Variants in OR2A4 observed in about 807,000 individuals in gnomAD.
OR2A4 encodes olfactory receptor 2A4.
For missense variants in OR2A4, 152 were observed against 313.2 expected, an observed-to-expected ratio of 0.49 and a Z score of 3.88; for synonymous variants, 71 against 126.7, an observed-to-expected ratio of 0.56 and a Z score of 2.95.
rs1234983652 is a variant in OR2A4 at position 131,701,201 on chromosome 6, G to A, written c.201C>T (p.Val67=). 2.6e-6 allele frequency: 3 copies of A among 1,143,292 alleles called. No individual in the cohort carries two copies. The highest frequency in any genetic ancestry group is 1.3e-5 in the South Asian group (1 of 77,790). 70.8% of individuals were successfully genotyped at this position (1,143,292 alleles called of 1,614,324 possible). A position where few individuals can be genotyped will look rare whatever the true frequency, so the allele number is the denominator to read the frequency against. The change falls in exon 1 of 1, where the codon GTC becomes GTT. Residue 67 remains valine, a synonymous_variant. Coordinates refer to ENST00000315453, the MANE Select transcript of OR2A4 (RefSeq NM_030908.2). The part of the protein sequence containing the change: ...PMYFFLSHLA[V]VDIAYACNTV... ...TGTTGCAGGCGTAGGCGATGTCGACGACCGCCAGGTGTGAGAGGAAGAAGT... is the reference window on the plus strand; with the variant it reads ...TGTTGCAGGCGTAGGCGATGTCGACAACCGCCAGGTGTGAGAGGAAGAAGT...
rs781653671 is a variant in OR2A4 at position 131,701,268 on chromosome 6, A to C, written c.134T>G (p.Leu45Arg). The C allele has an allele frequency of 1.2e-4, 183 of 1,486,824 alleles. No homozygotes were observed. The highest frequency in any genetic ancestry group is 2.5e-5 in the Non-Finnish European group (27 of 1,081,896). 92.1% of individuals were successfully genotyped at this position (1,486,824 alleles called of 1,614,324 possible). ...VFTLLGNGTI[L>R]GLISLDSRLH... is the part of the protein sequence containing the mutation. ...TCTGGAGTCCAGTGAGATGAGCCCC[A>C]GTATGGTCCCGTTCCCCAGCAGGGT... Residue 45 changes from leucine to arginine, a missense_variant, in exon 1 of 1, where the codon CTG becomes CGG. Physicochemically the swap from Leu to Arg is moderately radical, Grantham distance 102. Coordinates refer to ENST00000315453, the MANE Select transcript of OR2A4 (RefSeq NM_030908.2).
In OR2A4 at chr6:131,700,663, T is replaced by A; in HGVS notation, c.739A>T (p.Ile247Phe). The change falls in exon 1 of 1, where the codon ATT (isoleucine) becomes TTT (phenylalanine). Residue 247 changes from isoleucine (I) to phenylalanine (F), a missense_variant. By Grantham distance (21) the Ile-to-Phe change is conservative. Coordinates refer to ENST00000315453, the MANE Select transcript of OR2A4 (RefSeq NM_030908.2). ...FRTCFSHLCV[I>F]GLVYGTAIIM... Reference sequence around the variant, plus strand: ...ATGGCTGTGCCATAAACGAGTCCAATCACACAGAGGTGGGAGAAGCAGGTG... The same window carrying A: ...ATGGCTGTGCCATAAACGAGTCCAAACACACAGAGGTGGGAGAAGCAGGTG... 1 of 1,558,864 alleles carries A rather than the reference T, an allele frequency of 6.4e-7. No homozygotes were observed. Among genetic ancestry groups the A allele is most frequent in the Non-Finnish European group, 8.6e-7 (1 of 1,166,074 alleles).
In OR2A4 at chr6:131,700,580, C is replaced by T. The variant is rs1779502451; in HGVS notation, c.822G>A (p.Leu274=). The change falls in exon 1 of 1, where the codon CTG becomes CTA. Residue 274 remains leucine (L), a synonymous_variant. Coordinates refer to ENST00000315453, the MANE Select transcript of OR2A4 (RefSeq NM_030908.2). ...TGGGATTAAAGAGGCTGTGAAACAG[C>T]AGGAGATATTTCTTCTGCTCCTTGG... ...GNPKEQKKYL[L]LFHSLFNPML... 3 of 1,470,994 alleles carry T rather than the reference C, an allele frequency of 2.0e-6. No homozygotes were observed. Among genetic ancestry groups the T allele is most frequent in the Non-Finnish European group, 2.7e-6 (3 of 1,100,772 alleles). The allele number at this position is 1,470,994 out of a possible 1,614,324, so 91.1% of individuals were successfully genotyped here. A position where few individuals can be genotyped will look rare whatever the true frequency, so the allele number is the denominator to read the frequency against.
Position 131,700,129 on chromosome 6 carries a change from C to A in OR2A4, c.*340G>T. On this transcript the variant is annotated 3_prime_UTR_variant, in exon 1 of 1. Coordinates refer to ENST00000315453, the MANE Select transcript of OR2A4 (RefSeq NM_030908.2). ...GTCTCAAACTTATTTGACTATAGAA[C>A]TTATTTTTAAAGTCCTCTGAAGGGA... The A allele has an allele frequency of 3.4e-5, 1 of 29,586 alleles. No homozygotes were observed. Among genetic ancestry groups the A allele is most frequent in the Non-Finnish European group, 5.4e-5 (1 of 18,612 alleles). 1.8% of individuals were successfully genotyped at this position (29,586 alleles called of 1,614,324 possible).
Position 131,701,266 on chromosome 6 carries a change from C to T in OR2A4, c.136G>A (p.Gly46Arg). 2.0e-6 allele frequency: 3 copies of T among 1,478,798 alleles called. No individual in the cohort carries two copies. Among genetic ancestry groups the T allele is most frequent in the Non-Finnish European group, 2.8e-6 (3 of 1,075,938 alleles). 91.6% of individuals were successfully genotyped at this position (1,478,798 alleles called of 1,614,324 possible). ...AGTCTGGAGTCCAGTGAGATGAGCC[C>T]CAGTATGGTCCCGTTCCCCAGCAGG... ...FTLLGNGTIL[G>R]LISLDSRLHA... is the part of the protein sequence containing the mutation. The change falls in exon 1 of 1, where the codon GGG becomes AGG. Residue 46 changes from glycine (G) to arginine (R), a missense_variant. Transcript: ENST00000315453.
Position 131,701,177 on chromosome 6 carries a change from G to A in OR2A4, c.225C>T (p.Asn75=), listed in dbSNP as rs1779519723. ...GGTTCACCAGCATCCGGGGCACCGT[G>A]TTGCAGGCGTAGGCGATGTCGACGA... is the stretch of plus-strand genomic sequence containing the variant. ...LAVVDIAYAC[N]TVPRMLVNLL... The change falls in exon 1 of 1, where the codon AAC becomes AAT. Residue 75 remains asparagine, a synonymous_variant. Transcript: ENST00000315453. The A allele has an allele frequency of 2.3e-6, 2 of 870,432 alleles. No individual in the cohort carries two copies. Among genetic ancestry groups the A allele is most frequent in the Non-Finnish European group, 3.6e-6 (2 of 561,242 alleles). The allele number at this position is 870,432 out of a possible 1,614,324, so 53.9% of individuals were successfully genotyped here. A position where few individuals can be genotyped will look rare whatever the true frequency, so the allele number is the denominator to read the frequency against.
rs1779507756 is a variant in OR2A4, at chr6:131,700,750, T to C, written c.652A>G (p.Met218Val). 6.6e-7 allele frequency: 1 copy of C among 1,520,430 alleles called. No individual in the cohort carries two copies. The highest frequency in any genetic ancestry group is 1.2e-5 in the South Asian group (1 of 83,840). 94.2% of individuals were successfully genotyped at this position (1,520,430 alleles called of 1,614,324 possible). Residue 218 changes from methionine (M) to valine (V), a missense_variant, in exon 1 of 1, where the codon ATG becomes GTG. Met to Val is a conservative substitution (Grantham distance 21). Transcript: ENST00000315453. ...GPLSTIVVSYMCILCAILQIQ... is the reference protein window; with the variant it reads ...GPLSTIVVSYVCILCAILQIQ... ...TGAAGGATAGCACAGAGGATGCACA[T>C]ATATGAAACTACAATTGTGGACAAG...
In OR2A4 at chr6:131,701,391, T is replaced by G. The variant is rs749872315; in HGVS notation, c.11A>C (p.Asn4Thr). 6.2e-7 allele frequency: 1 copy of G among 1,613,952 alleles called. No homozygotes were observed. Among genetic ancestry groups the G allele is most frequent in the Non-Finnish European group, 8.5e-7 (1 of 1,179,900 alleles). ...GAGGAACTCTCTGATGGATGTTATA[T>G]TGTCTCCCATATCCCTATGACAGAG... MGD[N>T]ITSIREFLLL... The change falls in exon 1 of 1, where the codon AAT becomes ACT. Residue 4 changes from asparagine to threonine, a missense_variant. Transcript: ENST00000315453.
chr6:131,700,701 C>A lies in OR2A4; in HGVS notation c.701G>T (p.Arg234Met). 1.9e-6 allele frequency: 3 copies of A among 1,558,758 alleles called. No individual in the cohort carries two copies. The highest frequency in any genetic ancestry group is 1.7e-6 in the Non-Finnish European group (2 of 1,165,922). The change falls in exon 1 of 1, where the codon AGG (arginine) becomes ATG (methionine). Residue 234 changes from arginine to methionine, a missense_variant. Physicochemically the swap from Arg to Met is moderately conservative, Grantham distance 91. Transcript: ENST00000315453. Reference sequence around the variant, plus strand: ...GGAGAAGCAGGTGCGGAAGGCTTTCCTCTGAACTTCCCTTGATTGGATCTG... The same window carrying A: ...GGAGAAGCAGGTGCGGAAGGCTTTCATCTGAACTTCCCTTGATTGGATCTG... Reference protein sequence around the residue: ...ILQIQSREVQRKAFRTCFSHL... With the variant: ...ILQIQSREVQMKAFRTCFSHL...
In OR2A4 at chr6:131,701,273, G is replaced by A. The variant is rs1335366404; in HGVS notation, c.129C>T (p.Thr43=). 6.7e-7 allele frequency: 1 copy of A among 1,489,024 alleles called. No homozygotes were observed. The highest frequency in any genetic ancestry group is 9.2e-7 in the Non-Finnish European group (1 of 1,082,808). 92.2% of individuals were successfully genotyped at this position (1,489,024 alleles called of 1,614,324 possible). The change falls in exon 1 of 1, where the codon ACC becomes ACT. Residue 43 remains threonine, a synonymous_variant. Coordinates refer to ENST00000315453, the MANE Select transcript of OR2A4 (RefSeq NM_030908.2). ...FYVFTLLGNG[T]ILGLISLDSR... The stretch of plus-strand genomic sequence containing the variant: ...AGTCCAGTGAGATGAGCCCCAGTAT[G>A]GTCCCGTTCCCCAGCAGGGTGAAGA...
chr6:131,701,000 G>C lies in OR2A4; in HGVS notation c.402C>G (p.Ile134Met). 2 of 559,456 alleles carry C rather than the reference G, an allele frequency of 3.6e-6. No homozygotes were observed. 34.7% of individuals were successfully genotyped at this position (559,456 alleles called of 1,614,324 possible). The part of the protein sequence containing the change: ...AICHPLRYLA[I>M]MTWRVCITLA... Reference sequence around the variant, plus strand: ...GGGTGATGCAGACTCTCCAGGTCATGATGGCCAAATATCGGAGGGGGTGGC... The same window carrying C: ...GGGTGATGCAGACTCTCCAGGTCATCATGGCCAAATATCGGAGGGGGTGGC... The change falls in exon 1 of 1, where the codon ATC (isoleucine) becomes ATG (methionine). Residue 134 changes from isoleucine to methionine, a missense_variant. Transcript: ENST00000315453.
Position 131,700,559 on chromosome 6 carries a change from A to T in OR2A4, c.843T>A (p.Asn281Lys), listed in dbSNP as rs774052428. The change falls in exon 1 of 1, where the codon AAT becomes AAA. Residue 281 changes from asparagine (N) to lysine (K), a missense_variant. Physicochemically the swap from Asn to Lys is moderately conservative, Grantham distance 94. Coordinates refer to ENST00000315453, the MANE Select transcript of OR2A4 (RefSeq NM_030908.2). The part of the protein sequence containing the change: ...KYLLLFHSLF[N>K]PMLNPLICSL... ...TACAGATAAGGGGATTGAGCATGGG[A>T]TTAAAGAGGCTGTGAAACAGCAGGA... 2.1e-6 allele frequency: 3 copies of T among 1,426,120 alleles called. No homozygotes were observed. The highest frequency in any genetic ancestry group is 2.8e-6 in the Non-Finnish European group (3 of 1,066,998). The allele number at this position is 1,426,120 out of a possible 1,614,324, so 88.3% of individuals were successfully genotyped here.
Position 131,700,946 on chromosome 6 carries a change from G to A in OR2A4, c.456C>T (p.Val152=). Residue 152 remains valine, a synonymous_variant, in exon 1 of 1, where the codon GTC becomes GTT. Coordinates refer to ENST00000315453, the MANE Select transcript of OR2A4 (RefSeq NM_030908.2). ...TLAVTSWTTG[V]LLSLIHLVLL... ...ACACAAGATGAATCAAGGATAAAAG[G>A]ACTCCAGTGGTCCAGGAAGTCACCG... The A allele has an allele frequency of 1.5e-6, 1 of 650,400 alleles. No homozygotes were observed. Among genetic ancestry groups the A allele is most frequent in the South Asian group, 1.9e-5 (1 of 53,652 alleles). The allele number at this position is 650,400 out of a possible 1,614,324, so 40.3% of individuals were successfully genotyped here.
chr6:131,700,749 A>G lies in OR2A4; in HGVS notation c.653T>C (p.Met218Thr), dbSNP rs1779507685. The G allele has an allele frequency of 6.5e-7, 1 of 1,538,756 alleles. No homozygotes were observed. Among genetic ancestry groups the G allele is most frequent in the Non-Finnish European group, 8.7e-7 (1 of 1,153,486 alleles). The change falls in exon 1 of 1, where the codon ATG (methionine) becomes ACG (threonine). Residue 218 changes from methionine to threonine, a missense_variant. By Grantham distance (81) the Met-to-Thr change is moderately conservative (BLOSUM62 -1). Coordinates refer to ENST00000315453, the MANE Select transcript of OR2A4 (RefSeq NM_030908.2). ...GPLSTIVVSY[M>T]CILCAILQIQ... is the part of the protein sequence containing the mutation. ...CTGAAGGATAGCACAGAGGATGCACATATATGAAACTACAATTGTGGACAA... is the reference window on the plus strand; with the variant it reads ...CTGAAGGATAGCACAGAGGATGCACGTATATGAAACTACAATTGTGGACAA...
At position 131,701,350 on chromosome 6, in the gene OR2A4, C is replaced by G; in HGVS notation, c.52G>C (p.Val18Leu). 1 of 1,613,562 alleles carries G rather than the reference C, an allele frequency of 6.2e-7. No homozygotes were observed. The highest frequency in any genetic ancestry group is 8.5e-7 in the Non-Finnish European group (1 of 1,179,850). ...IREFLLLGFP[V>L]GPRIQMLLFG... ...AGGAGCATCTGAATCCTTGGGCCAACGGGAAATCCCAGTAGGAGGAACTCT... is the reference window on the plus strand; with the variant it reads ...AGGAGCATCTGAATCCTTGGGCCAAGGGGAAATCCCAGTAGGAGGAACTCT... Residue 18 changes from valine (V) to leucine (L), a missense_variant, in exon 1 of 1, where the codon GTT (valine) becomes CTT (leucine). Physicochemically the swap from Val to Leu is conservative, Grantham distance 32. Transcript: ENST00000315453.
In OR2A4 at chr6:131,701,135, C is replaced by T; in HGVS notation, c.267G>A (p.Lys89=). 1 of 682,034 alleles carries T rather than the reference C, an allele frequency of 1.5e-6. No individual in the cohort carries two copies. The highest frequency in any genetic ancestry group is 2.4e-6 in the Non-Finnish European group (1 of 417,990). The allele number at this position is 682,034 out of a possible 1,614,324, so 42.2% of individuals were successfully genotyped here. The change falls in exon 1 of 1, where the codon AAG becomes AAA. Residue 89 remains lysine (K), a synonymous_variant. Coordinates refer to ENST00000315453, the MANE Select transcript of OR2A4 (RefSeq NM_030908.2). ...RMLVNLLHPA[K]PISFAGRMMQ... ...TCATGCGGCCCGCAAAGGAGATGGG[C>T]TTGGCTGGATGCAGGAGGTTCACCA...
Position 131,701,300 on chromosome 6 carries a change from G to C in OR2A4, c.102C>G (p.Tyr34Ter), listed in dbSNP as rs1273662821. The change falls in exon 1 of 1, where the codon TAC becomes TAG. Residue 34 changes from tyrosine (Y) to a stop codon, truncating the protein, a stop_gained. Transcript: ENST00000315453. LOFTEE classifies it low-confidence loss of function (END_TRUNC). ...MLLFGLFSLF[Y>*]VFTLLGNGTI... Reference sequence around the variant, plus strand: ...TCCCGTTCCCCAGCAGGGTGAAGACGTAGAACAGGGAGAAGAGCCCAAAGA... The same window carrying C: ...TCCCGTTCCCCAGCAGGGTGAAGACCTAGAACAGGGAGAAGAGCCCAAAGA... The C allele has an allele frequency of 1.9e-6, 3 of 1,562,874 alleles. No individual in the cohort carries two copies. In the African/African-American group the frequency reaches 4.2e-5, roughly 22 times the overall value.
chr6:131,701,387 T>C lies in OR2A4; in HGVS notation c.15A>G (p.Ile5Met). Residue 5 changes from isoleucine to methionine, a missense_variant, in exon 1 of 1, where the codon ATA becomes ATG. Transcript: ENST00000315453. ...GTAGGAGGAACTCTCTGATGGATGT[T>C]ATATTGTCTCCCATATCCCTATGAC... MGDNITSIREFLLLG... is the reference protein window; with the variant it reads MGDNMTSIREFLLLG... The C allele has an allele frequency of 6.2e-7, 1 of 1,613,998 alleles. No individual in the cohort carries two copies. Among genetic ancestry groups the C allele is most frequent in the South Asian group, 1.1e-5 (1 of 91,072 alleles).
Position 131,700,372 on chromosome 6 carries a change from A to C in OR2A4, c.*97T>G. ...AATGTCTCAGATAATTCTCATGTCC[A>C]TTGAGGGCAGAGGTCCCACCAGTGC... On this transcript the variant is annotated 3_prime_UTR_variant, in exon 1 of 1. Coordinates refer to ENST00000315453, the MANE Select transcript of OR2A4 (RefSeq NM_030908.2). 2.4e-6 allele frequency: 1 copy of C among 410,138 alleles called. No homozygotes were observed. 25.4% of individuals were successfully genotyped at this position (410,138 alleles called of 1,614,324 possible).
Sources: gnomAD v4.1 joint callset for allele counts on GRCh38, gnomAD v4.1.1 for gene constraint, MANE v1.5 for transcripts, NCBI Gene and HGNC (gene_info 2026-07-23, HGNC 2026-07-21) for gene names.